CES1: variants seen among roughly 807,000 people sequenced by gnomAD.
CES1 encodes carboxylesterase 1.
A neutral mutation model predicts 53.0 loss-of-function variants in CES1; 50 were observed. That is an observed-to-expected ratio of 0.94 (90% confidence interval 0.75 to 1.19). The LOEUF is 1.19. Among genes scored for constraint, CES1 ranks in the 50% most tolerant of loss-of-function variants. The probability of loss-of-function intolerance (pLI) is 0.00; values close to 1 mark genes in which losing one functional copy is unlikely to be tolerated. For synonymous variants in CES1, 202 were observed against 210.1 expected, an observed-to-expected ratio of 0.96 and a Z score of 0.33; for missense variants, 534 against 538.0, an observed-to-expected ratio of 0.99 and a Z score of 0.07.
chr16:55,821,263 A>G, intron 5 of CES1, 105 bp downstream of exon 5: 1 of 1,436,706 alleles, frequency 7.0e-7, no homozygotes, highest in Non-Finnish European at 9.8e-7. Context: ...TCCTGAATTC[A>G]GGTATTGTAA....
At chr16:55,824,369 T>C (rs4784588) in intron 3 of CES1, among the ~76,000 whole-genome samples, 1 of 152,266 alleles carries the variant, frequency 6.6e-6, no homozygotes, top group East Asian at 1.9e-4. Context: ...ATTTTAAAAG[T>C]CCACATAGTG....
intron 8 of CES1, among the ~76,000 whole-genome samples, chr16:55,815,335 G>A (rs1379896655): frequency 2.0e-5 from 3 of 152,184 alleles, no homozygotes; most frequent in Admixed American, 6.5e-5. Flanking sequence ...TGGGGGTGAC[G>A]TGCTCTAATT....
intron 9 of CES1, 74 bp downstream of exon 9, chr16:55,812,829 A>C (rs2031758551): frequency 6.3e-7 from 1 of 1,596,578 alleles, no homozygotes; most frequent in South Asian, 1.1e-5. Context: ...CGGAGAGGGA[A>C]GCATTCCTGG....
chr16:55,830,807 A>AAGGT (rs1159599347), intron 1 of CES1, among the ~76,000 whole-genome samples: 2 of 145,224 alleles, frequency 1.4e-5, no homozygotes, highest in African/African-American at 5.2e-5. Context: ...GGAAGGAAGG[A>AAGGT]AGGAAGGAAG....
At chr16:55,824,534 A>T (rs1325890898) in intron 3 of CES1, among the ~76,000 whole-genome samples, 3 of 152,234 alleles carry the variant, frequency 2.0e-5, no homozygotes, top group Non-Finnish European at 4.4e-5. Context: ...CCCATTATCC[A>T]GGTGGGAAAA....
intron 11 of CES1, among the ~76,000 whole-genome samples, chr16:55,809,942 C>T (rs546354787): frequency 1.1e-3 from 163 of 152,362 alleles, no homozygotes; most frequent in African/African-American, 3.4e-3. Context: ...CCTATATCCC[C>T]TCTTCCTGGG....
intron 11 of CES1, among the ~76,000 whole-genome samples, chr16:55,809,438 A>T (rs1315383856): frequency 6.6e-6 from 1 of 152,202 alleles, no homozygotes; most frequent in Non-Finnish European, 1.5e-5. Flanking sequence ...GAGAGAGGAC[A>T]TTTCCTAGCT....
Position 55,826,089 on chromosome 16 carries a change from T to C in CES1, c.405+62A>G, listed in dbSNP as rs1352507079. 6 of 1,608,652 alleles carry C rather than the reference T, an allele frequency of 3.7e-6. No individual in the cohort carries two copies. The Admixed American group carries it at 8.3e-5, about 22-fold the overall frequency. On this transcript the variant is annotated intron_variant, in intron 3 of 13. Coordinates refer to ENST00000360526, the MANE Select transcript of CES1 (RefSeq NM_001025195.2). Reference sequence around the variant, plus strand: ...AAGCTGCCTTCACTCCCTTCCATTCTGCCCCAGAAGATGCGGGGTACTGGC... The same window carrying C: ...AAGCTGCCTTCACTCCCTTCCATTCCGCCCCAGAAGATGCGGGGTACTGGC...
At chr16:55,821,068 GAGAGAA>G (rs1423594735) in intron 5 of CES1, among the ~76,000 whole-genome samples, 2 of 82,710 alleles carry the variant, frequency 2.4e-5, no homozygotes, top group East Asian at 2.5e-4. Flanking sequence ...GTGAAGGAGA[GAGAGAA>G]AGAGAGAGAG....
intron 4 of CES1, among the ~76,000 whole-genome samples, chr16:55,823,333 G>C (rs2032281210): frequency 6.6e-6 from 1 of 152,234 alleles, no homozygotes; most frequent in Non-Finnish European, 1.5e-5. Context: ...GATAGAATAA[G>C]CATTCCAGGC....
At chr16:55,816,359 T>C (rs1282156050) in intron 8 of CES1, among the ~76,000 whole-genome samples, 1 of 152,252 alleles carries the variant, frequency 6.6e-6, no homozygotes, top group Admixed American at 6.5e-5. Context: ...CATGACCATT[T>C]AGGAGAGTGC....
chr16:55,812,014 C>T (rs1200615802), intron 9 of CES1, among the ~76,000 whole-genome samples: 1 of 152,198 alleles, frequency 6.6e-6, no homozygotes, highest in African/African-American at 2.4e-5. Context: ...CCAAGCCTCT[C>T]CCCATAGACC....
rs546233780 is a variant in CES1, at chr16:55,818,508, A to G, written c.906+1027T>C. Among the ~76,000 whole-genome samples the G allele has an allele frequency of 5.8e-3, 883 of 152,042 alleles. 4 individuals are homozygous for G. Among genetic ancestry groups the G allele is most frequent in the Non-Finnish European group, 9.0e-3 (609 of 67,900 alleles). On this transcript the variant is annotated intron_variant, in intron 7 of 13. Coordinates refer to ENST00000360526, the MANE Select transcript of CES1 (RefSeq NM_001025195.2). ...TCAGGAAAGATAAGGTGGAGTCAGGATTAAGGGCATGAACTCCTGAATTCC... is the reference window on the plus strand; with the variant it reads ...TCAGGAAAGATAAGGTGGAGTCAGGGTTAAGGGCATGAACTCCTGAATTCC...
chr16:55,832,143 C>T (rs2032708492), intron 1 of CES1, among the ~76,000 whole-genome samples: 2 of 152,088 alleles, frequency 1.3e-5, no homozygotes, highest in South Asian at 4.2e-4. Context: ...CCCCAGAGCC[C>T]CTGAAGTATC....
chr16:55,826,007 T>C, intron 3 of CES1, 144 bp downstream of exon 3: 3 of 1,058,036 alleles, frequency 2.8e-6, no homozygotes, highest in South Asian at 2.6e-5. Context: ...AAACCAGTGT[T>C]TCCTGTGGAG....
At chr16:55,830,526 C>A (rs1333998642) in intron 1 of CES1, among the ~76,000 whole-genome samples, 9 of 151,936 alleles carry the variant, frequency 5.9e-5, no homozygotes, top group Non-Finnish European at 1.3e-4. Flanking sequence ...ACTTGGAGAC[C>A]AGGCACAGTG....
intron 1 of CES1, 91 bp downstream of exon 1, chr16:55,832,913 G>C: frequency 1.7e-6 from 2 of 1,154,838 alleles, no homozygotes; most frequent in Non-Finnish European, 2.6e-6. Context: ...CGGACCTGTT[G>C]TGTCTTTGCC....
At chr16:55,830,007 C>G (rs1174586610) in intron 1 of CES1, among the ~76,000 whole-genome samples, 1 of 152,232 alleles carries the variant, frequency 6.6e-6, no homozygotes, top group East Asian at 1.9e-4. Flanking sequence ...CTCCAGTCAC[C>G]TCAGTTTCTC....
At chr16:55,831,158 A>G (rs1433510192) in intron 1 of CES1, among the ~76,000 whole-genome samples, 2 of 148,112 alleles carry the variant, frequency 1.4e-5, no homozygotes, top group Non-Finnish European at 3.1e-5. Flanking sequence ...GGGAAGAGAA[A>G]AAAAAACAAA....
Sources: gnomAD v4.1 joint callset for allele counts (sites outside exome capture counted in the v4.1 genomes callset) on GRCh38, gnomAD v4.1.1 for gene constraint, MANE v1.5 for transcripts, NCBI Gene and HGNC (gene_info 2026-07-23, HGNC 2026-07-21) for gene names.